Variants in ANG observed in about 807,000 individuals in gnomAD.
ANG encodes the protein Homo sapiens epididymis luminal protein 168.
For missense variants in ANG, 178 were observed against 187.4 expected (o/e 0.95, Z 0.29); for synonymous variants, 74 against 73.8 (o/e 1.00, Z -0.02).
At chr14:20,693,344 C>A (rs995445171) in intron 1 of ANG, 2 of 653,054 alleles carry the variant, frequency 3.1e-6, no homozygotes, top group African/African-American at 1.8e-5. Flanking sequence ...AGAGGTTGTG[C>A]TCAGGAAACT....
intron 1 of ANG, among the ~76,000 whole-genome samples, chr14:20,689,345 T>C (rs896382414): frequency 6.6e-6 from 1 of 152,070 alleles, no homozygotes; most frequent in Admixed American, 6.6e-5. Flanking sequence ...CACTGGCAGG[T>C]TGAAGGGAAG....
rs563139057 is a variant in ANG, at chr14:20,693,663, C to T, written c.99C>T (p.Phe33=). The T allele has an allele frequency of 4.4e-4, 703 of 1,614,144 alleles. 6 individuals carry two copies. In the South Asian group the frequency reaches 7.2e-3, roughly 17 times the overall value. Residue 33 remains phenylalanine, a synonymous_variant, in exon 2 of 2, where the codon TTC becomes TTT. Transcript: ENST00000397990. The part of the protein sequence containing the change: ...LAQDNSRYTH[F]LTQHYDAKPQ... ...AGGATAACTCCAGGTACACACACTT[C>T]CTGACCCAGCACTATGATGCCAAAC... is the stretch of plus-strand genomic sequence containing the variant.
rs764224898 is a variant in ANG, at chr14:20,693,787, C to T, written c.223C>T (p.Arg75Cys). 5.0e-6 allele frequency: 8 copies of T among 1,614,048 alleles called. No individual in the cohort carries two copies. The highest frequency in any genetic ancestry group is 2.2e-5 in the East Asian group (1 of 44,898). Residue 75 changes from arginine (R) to cysteine (C), a missense_variant, in exon 2 of 2, where the codon CGC becomes TGC. Transcript: ENST00000397990. ...CAACACATTTATTCATGGCAACAAG[C>T]GCAGCATCAAGGCCATCTGTGAAAA... ...DINTFIHGNK[R>C]SIKAICENKN...
chr14:20,693,061 A>G (rs550864873), intron 1 of ANG, among the ~76,000 whole-genome samples: 14 of 151,658 alleles, frequency 9.2e-5, no homozygotes, highest in South Asian at 6.2e-4. Context: ...GGTAGCCAGG[A>G]TGGTCTCGAT....
intron 1 of ANG, among the ~76,000 whole-genome samples, chr14:20,690,221 CAAAAAAAAAAAAAAAAAA>C (rs36091065): frequency 2.9e-5 from 2 of 67,978 alleles, no homozygotes; most frequent in African/African-American, 6.5e-5. Flanking sequence ...GACTCCGTCT[CAAAAAAAAAAAAAAAAAA>C]AAAAAAAAAG....
At chr14:20,689,771 C>G (rs1886614627) in intron 1 of ANG, among the ~76,000 whole-genome samples, 1 of 151,866 alleles carries the variant, frequency 6.6e-6, no homozygotes. Context: ...ACAAAATTAG[C>G]CAAGCGTGGT....
chr14:20,685,569 C>T (rs76758305), upstream of ANG, among the ~76,000 whole-genome samples: 7,052 of 152,252 alleles, frequency 0.046, 255 homozygotes, highest in East Asian at 0.14. Context: ...ACAAGTTTTG[C>T]AAGAGGATAG....
chr14:20,693,545 A>G lies in ANG; in HGVS notation c.-18-2A>G, dbSNP rs111777591. The G allele has an allele frequency of 1.9e-6, 3 of 1,610,716 alleles. No homozygotes were observed. Among genetic ancestry groups the G allele is most frequent in the African/African-American group, 2.7e-5 (2 of 74,860 alleles). ...TACCACACCTCCTTTTGCCCTCCGC[A>G]GGAGCCTGTGTTGGAAGAGATGGTG... On this transcript the variant is annotated splice_acceptor_variant, in intron 1 of 1. Transcript: ENST00000397990. LOFTEE classifies it low-confidence loss of function (5UTR_SPLICE).
intron 1 of ANG, among the ~76,000 whole-genome samples, chr14:20,691,403 A>G (rs965112983): frequency 7.2e-5 from 11 of 152,238 alleles, no homozygotes; most frequent in Non-Finnish European, 1.3e-4. Context: ...AAGATCTTCC[A>G]AAAAACTAGA....
At chr14:20,689,380 T>A (rs1013518561) in intron 1 of ANG, among the ~76,000 whole-genome samples, 1 of 152,186 alleles carries the variant, frequency 6.6e-6, no homozygotes, top group Non-Finnish European at 1.5e-5. Context: ...AATAAAGGGA[T>A]GAATATGCCT....
intron 1 of ANG, among the ~76,000 whole-genome samples, chr14:20,693,155 G>A: frequency 6.6e-6 from 1 of 152,284 alleles, no homozygotes; most frequent in Non-Finnish European, 1.5e-5. Flanking sequence ...CCGTCATTTG[G>A]TATGTCTTAA....
intron 1 of ANG, among the ~76,000 whole-genome samples, chr14:20,690,193 G>A (rs1269735188): frequency 7.4e-6 from 1 of 135,416 alleles, no homozygotes; most frequent in East Asian, 2.1e-4. Context: ...CCGCAGTCCG[G>A]CCTGGGCGAC....
chr14:20,692,777 C>T (rs1886836355), intron 1 of ANG, among the ~76,000 whole-genome samples: 1 of 152,234 alleles, frequency 6.6e-6, no homozygotes, highest in Admixed American at 6.5e-5. Context: ...TATCTCATCT[C>T]AGTACATTGA....
intron 1 of ANG, among the ~76,000 whole-genome samples, chr14:20,691,428 C>G (rs137953457): frequency 2.0e-5 from 3 of 152,126 alleles, no homozygotes; most frequent in African/African-American, 7.2e-5. Context: ...GGAAACACAC[C>G]CAGGAGACTG....
At position 20,693,966 on chromosome 14, in the gene ANG, C is replaced by T. The variant is rs1886967113; in HGVS notation, c.402C>T (p.Gly134=). 6.2e-7 allele frequency: 1 copy of T among 1,614,096 alleles called. No homozygotes were observed. Among genetic ancestry groups the T allele is most frequent in the Non-Finnish European group, 8.5e-7 (1 of 1,180,014 alleles). ...ACGTTGTTGTTGCTTGTGAAAATGG[C>T]TTACCTGTCCACTTGGATCAGTCAA... is the stretch of plus-strand genomic sequence containing the variant. ...FRNVVVACEN[G]LPVHLDQSIF... The change falls in exon 2 of 2, where the codon GGC becomes GGT. Residue 134 remains glycine (G), a synonymous_variant. Coordinates refer to ENST00000397990, the MANE Select transcript of ANG (RefSeq NM_001097577.3).
chr14:20,688,851 T>C lies in ANG; in HGVS notation c.-42T>C. The C allele has an allele frequency of 2.0e-6, 2 of 985,272 alleles. No individual in the cohort carries two copies. The highest frequency in any genetic ancestry group is 1.1e-4 in the East Asian group (1 of 8,832). The allele number at this position is 985,272 out of a possible 1,614,324, so 61.0% of individuals were successfully genotyped here. Reference sequence around the variant, plus strand: ...CTCCCGTTGAAGGGAAACTGCCAGATTTTTGTAAGATTCTTCCTCCTGGGT... The same window carrying C: ...CTCCCGTTGAAGGGAAACTGCCAGACTTTTGTAAGATTCTTCCTCCTGGGT... On this transcript the variant is annotated 5_prime_UTR_variant, in exon 1 of 2. Coordinates refer to ENST00000397990, the MANE Select transcript of ANG (RefSeq NM_001097577.3).
At chr14:20,693,060 GA>G (rs1269527730) in intron 1 of ANG, among the ~76,000 whole-genome samples, 3 of 151,720 alleles carry the variant, frequency 2.0e-5, no homozygotes, top group African/African-American at 7.3e-5. Context: ...TGGTAGCCAG[GA>G]TGGTCTCGAT....
At chr14:20,688,653 A>G (rs1052358673), upstream of ANG, 5 of 982,142 alleles carry the variant, frequency 5.1e-6, no homozygotes, top group Non-Finnish European at 6.0e-6. Flanking sequence ...AATCATGCCC[A>G]GCGAAAAGGT....
chr14:20,693,087 T>C lies in ANG; in HGVS notation c.-18-460T>C, dbSNP rs202233850. Among the ~76,000 whole-genome samples, 5 of 152,104 alleles carry C rather than the reference T, an allele frequency of 3.3e-5. No homozygotes were observed. The East Asian group carries it at 5.8e-4, about 18-fold the overall frequency. On this transcript the variant is annotated intron_variant, in intron 1 of 1. Transcript: ENST00000397990. ...TGGTCTCGATCTCCTGACCTCGTGATCCGCCCGCCTTGGCCTCCCAAAGTG... is the reference window on the plus strand; with the variant it reads ...TGGTCTCGATCTCCTGACCTCGTGACCCGCCCGCCTTGGCCTCCCAAAGTG...
Sources: allele counts gnomAD v4.1 joint callset (sites outside exome capture counted in the v4.1 genomes callset), GRCh38; gene constraint gnomAD v4.1.1; transcripts MANE v1.5; gene names NCBI Gene and HGNC (gene_info 2026-07-23, HGNC 2026-07-21).